The following TENM2 variants were observed in gnomAD, a reference collection of about 807,000 sequenced individuals.
TENM2 encodes teneurin transmembrane protein 2.
In TENM2, 52 loss-of-function variants were observed where a neutral mutation model predicts 245.2. That is an observed-to-expected ratio of 0.21 (90% CI 0.17 to 0.27). The LOEUF (loss-of-function observed/expected upper bound fraction) is 0.27. Among genes scored for constraint, TENM2 ranks in the 10% least tolerant of loss-of-function variants. TENM2 has a pLI of 1.00. For synonymous variants in TENM2, 1,363 were observed against 1,438.9 expected, an observed-to-expected ratio of 0.95 and a Z score of 1.19; for missense variants, 3,046 against 3,666.8, an observed-to-expected ratio of 0.83 and a Z score of 4.37.
chr5:167,101,837 A>C, the TENM2 span, among the ~76,000 whole-genome samples: 1 of 109,374 alleles, frequency 9.1e-6, no homozygotes. Context: ...CTTGACATTT[A>C]TATATATATA....
chr5:168,157,991 T>G (rs539156627), intron 12 of TENM2, among the ~76,000 whole-genome samples: 90 of 152,274 alleles, frequency 5.9e-4, no homozygotes, highest in African/African-American at 2.1e-3. Flanking sequence ...AGCACGATCT[T>G]GACTCACTGC....
At chr5:167,859,495 C>A (rs1282296638) in intron 2 of TENM2, among the ~76,000 whole-genome samples, 16 of 106,398 alleles carry the variant, frequency 1.5e-4, no homozygotes, top group South Asian at 1.2e-3. Context: ...CCACCCCGTC[C>A]GGGAGGGAGA....
At chr5:167,337,221 A>G (rs1421400577) in intron 1 of TENM2, among the ~76,000 whole-genome samples, 3 of 151,994 alleles carry the variant, frequency 2.0e-5, no homozygotes, top group African/African-American at 7.2e-5. Context: ...TAGTGTACGT[A>G]AGACATACAG....
chr5:167,608,574 A>T (rs1777223621), intron 2 of TENM2, among the ~76,000 whole-genome samples: 1 of 152,208 alleles, frequency 6.6e-6, no homozygotes, highest in South Asian at 2.1e-4. Flanking sequence ...GGCAGCGCCG[A>T]CATCCCCTCT....
chr5:167,248,141 G>A, the TENM2 span, among the ~76,000 whole-genome samples: 1 of 152,084 alleles, frequency 6.6e-6, no homozygotes, highest in African/African-American at 2.4e-5. Context: ...TAGCACCAGT[G>A]GCTTATTTTC....
intron 1 of TENM2, among the ~76,000 whole-genome samples, chr5:167,366,419 A>G (rs1760058762): frequency 6.6e-6 from 1 of 152,118 alleles, no homozygotes; most frequent in Non-Finnish European, 1.5e-5. Flanking sequence ...CATAATAGCT[A>G]CATTTGTTTT....
At chr5:167,827,631 G>GGGGT (rs1554126482) in intron 2 of TENM2, among the ~76,000 whole-genome samples, 1 of 128,414 alleles carries the variant, frequency 7.8e-6, no homozygotes, top group Non-Finnish European at 1.7e-5. Context: ...AGGTGGGCGG[G>GGGGT]GGGGGGGGAA....
chr5:167,298,953 G>GGTCTGGT (rs1334878125), intron 1 of TENM2, among the ~76,000 whole-genome samples: 1 of 152,138 alleles, frequency 6.6e-6, no homozygotes, highest in Non-Finnish European at 1.5e-5. Flanking sequence ...AGTCCGAGTT[G>GGTCTGGT]GTCTGGTGTC....
chr5:167,016,281 C>CAAAAAAAAAAA, the TENM2 span, among the ~76,000 whole-genome samples: 3 of 78,848 alleles, frequency 3.8e-5, no homozygotes, highest in Non-Finnish European at 7.9e-5. Flanking sequence ...AACAAACAAA[C>CAAAAAAAAAAA]AAAAAAAAAA....
At chr5:168,142,993 G>A (rs1453395917) in intron 12 of TENM2, among the ~76,000 whole-genome samples, 1 of 152,186 alleles carries the variant, frequency 6.6e-6, no homozygotes, top group Non-Finnish European at 1.5e-5. Flanking sequence ...AGTTGGGGAG[G>A]GAATTACATG....
the TENM2 span, among the ~76,000 whole-genome samples, chr5:167,134,915 TG>T: frequency 2.0e-5 from 3 of 152,180 alleles, no homozygotes; most frequent in African/African-American, 7.2e-5. Context: ...GAGGAAACAT[TG>T]TTGTACTCTC....
intron 3 of TENM2, among the ~76,000 whole-genome samples, chr5:167,896,264 T>C (rs1775211923): frequency 6.6e-6 from 1 of 152,150 alleles, no homozygotes; most frequent in Non-Finnish European, 1.5e-5. Context: ...TGCAAAGGCT[T>C]GGAGAGACGA....
chr5:167,744,321 A>G (rs1055322417), intron 2 of TENM2, among the ~76,000 whole-genome samples: 2 of 152,110 alleles, frequency 1.3e-5, no homozygotes, highest in Non-Finnish European at 2.9e-5. Flanking sequence ...TATCTTGATG[A>G]CAGTCAACAT....
the TENM2 span, among the ~76,000 whole-genome samples, chr5:167,187,922 C>G: frequency 6.6e-6 from 1 of 152,128 alleles, no homozygotes; most frequent in Admixed American, 6.6e-5. Context: ...GGCTATTTCA[C>G]ATTTCTCCCC....
the TENM2 span, among the ~76,000 whole-genome samples, chr5:167,243,109 G>T: frequency 6.6e-6 from 1 of 152,014 alleles, no homozygotes. Flanking sequence ...GATAAAATTC[G>T]CATCTTACAG....
chr5:167,333,515 C>T (rs1027988995), intron 1 of TENM2, among the ~76,000 whole-genome samples: 2 of 152,158 alleles, frequency 1.3e-5, no homozygotes, highest in South Asian at 2.1e-4. Flanking sequence ...CTTCCAAAGT[C>T]TTTCAACTGA....
intron 2 of TENM2, among the ~76,000 whole-genome samples, chr5:167,639,630 G>C (rs548029493): frequency 1.3e-5 from 2 of 151,976 alleles, no homozygotes; most frequent in Non-Finnish European, 2.9e-5. Context: ...TCATCAAAAA[G>C]GGGTCCACTC....
intron 12 of TENM2, among the ~76,000 whole-genome samples, chr5:168,151,379 T>G (rs1756642872): frequency 6.6e-6 from 1 of 152,156 alleles, no homozygotes; most frequent in Non-Finnish European, 1.5e-5. Flanking sequence ...CATAACCAAT[T>G]CAAGTGCAAA....
At position 168,090,785 on chromosome 5, in the gene TENM2, C is replaced by G; in HGVS notation, c.1711+16C>G. 6.2e-7 allele frequency: 1 copy of G among 1,603,296 alleles called. No individual in the cohort carries two copies. Among genetic ancestry groups the G allele is most frequent in the Non-Finnish European group, 8.5e-7 (1 of 1,170,972 alleles). On this transcript the variant is annotated intron_variant, in intron 8 of 28. Transcript: ENST00000518659. ...GTTGTCCTAGGTAGGTGTGGGGTCT[C>G]TGAGATGGTACGCCATGAAGGGAAG... is the stretch of plus-strand genomic sequence containing the variant.
Sources: gnomAD v4.1 joint callset for allele counts (sites outside exome capture counted in the v4.1 genomes callset) on GRCh38, gnomAD v4.1.1 for gene constraint, MANE v1.5 for transcripts, NCBI Gene and HGNC (gene_info 2026-07-23, HGNC 2026-07-21) for gene names.